Variants in NKAIN3 observed in about 807,000 individuals in gnomAD.
NKAIN3 encodes sodium/potassium transporting ATPase interacting 3, also known as sodium/potassium-transporting ATPase subunit beta-1-interacting protein 3.
NKAIN3 carries 25 observed loss-of-function variants against 30.2 expected under a neutral mutation model. The ratio of observed to expected loss-of-function variants is 0.83; its 90% CI spans 0.60 to 1.16. NKAIN3 has a LOEUF of 1.16. Ranked by LOEUF, NKAIN3 falls within the 50% of genes most tolerant of loss-of-function variation. The probability of loss-of-function intolerance (pLI) is 0.00; values close to 1 mark genes in which losing one functional copy is unlikely to be tolerated. For missense variants in NKAIN3, 225 were observed against 254.1 expected, an observed-to-expected ratio of 0.89 and a Z score of 0.78; for synonymous variants, 91 against 89.6, an observed-to-expected ratio of 1.02 and a Z score of -0.09.
intron 5 of NKAIN3, 85 bp from the exon 6 acceptor site, chr8:62,953,817 T>C (rs779377704): frequency 1.1e-5 from 3 of 267,866 alleles, no homozygotes; most frequent in Non-Finnish European, 1.7e-5. Flanking sequence ...TTTTGTTAAC[T>C]TTGCTCTTAT....
intron 4 of NKAIN3, among the ~76,000 whole-genome samples, chr8:62,883,531 G>C (rs969422941): frequency 7.8e-6 from 1 of 127,498 alleles, no homozygotes; most frequent in Non-Finnish European, 1.6e-5. Flanking sequence ...TCAGTTCTCT[G>C]TTCCTAATAC....
At chr8:62,820,892 C>G (rs751779201) in intron 4 of NKAIN3, among the ~76,000 whole-genome samples, 2 of 152,126 alleles carry the variant, frequency 1.3e-5, no homozygotes, top group Non-Finnish European at 2.9e-5. Flanking sequence ...TCTGAGTCTA[C>G]AAAGCCTTTA....
At chr8:62,499,421 C>T (rs893844322) in intron 1 of NKAIN3, among the ~76,000 whole-genome samples, 1 of 152,032 alleles carries the variant, frequency 6.6e-6, no homozygotes, top group African/African-American at 2.4e-5. Flanking sequence ...TGATGCCTAT[C>T]TAGGAGGGAA....
chr8:62,472,047 C>A (rs1005991407), intron 1 of NKAIN3, among the ~76,000 whole-genome samples: 2 of 144,220 alleles, frequency 1.4e-5, no homozygotes, highest in Admixed American at 1.4e-4. Flanking sequence ...AAAAAAAAGT[C>A]TTCAGCTCAC....
At chr8:62,269,500 C>A (rs1037361428) in intron 1 of NKAIN3, among the ~76,000 whole-genome samples, 1 of 152,080 alleles carries the variant, frequency 6.6e-6, no homozygotes, top group African/African-American at 2.4e-5. Context: ...GTATACAATC[C>A]TGATTATCTT....
rs563670391 is a variant in NKAIN3 at position 62,869,830 on chromosome 8, C to A, written c.472-48623C>A. Among the ~76,000 whole-genome samples the A allele has an allele frequency of 3.3e-5, 5 of 152,132 alleles. No individual in the cohort carries two copies. In the South Asian group the frequency reaches 1.0e-3, roughly 32 times the overall value. ...TTGCCCAGGCTGGAGTGCAGTGGCGCGATCTCGGCTCACTGCAAGCTCCGC... is the reference window on the plus strand; with the variant it reads ...TTGCCCAGGCTGGAGTGCAGTGGCGAGATCTCGGCTCACTGCAAGCTCCGC... On this transcript the variant is annotated intron_variant, in intron 4 of 6. Transcript: ENST00000623646.
chr8:62,419,840 C>T (rs901158514), intron 1 of NKAIN3, among the ~76,000 whole-genome samples: 5 of 152,080 alleles, frequency 3.3e-5, no homozygotes, highest in Admixed American at 3.3e-4. Context: ...GCATCAGTTC[C>T]CATAGGTCCA....
At chr8:62,495,860 A>G (rs1374786021) in intron 1 of NKAIN3, among the ~76,000 whole-genome samples, 1 of 152,102 alleles carries the variant, frequency 6.6e-6, no homozygotes, top group East Asian at 1.9e-4. Context: ...TTAATTCATG[A>G]GTTGACCTCC....
chr8:62,591,433 A>G (rs900516709), intron 3 of NKAIN3, among the ~76,000 whole-genome samples: 1 of 151,982 alleles, frequency 6.6e-6, no homozygotes, highest in African/African-American at 2.4e-5. Context: ...ATATGTGGTA[A>G]CTCAGGTAAG....
intron 1 of NKAIN3, among the ~76,000 whole-genome samples, chr8:62,521,903 G>A (rs906907654): frequency 2.6e-5 from 4 of 152,038 alleles, no homozygotes; most frequent in South Asian, 2.1e-4. Context: ...ATTCTTAAAC[G>A]CTATAATTGC....
At chr8:62,376,294 C>T (rs1489626330) in intron 1 of NKAIN3, among the ~76,000 whole-genome samples, 1 of 152,300 alleles carries the variant, frequency 6.6e-6, no homozygotes, top group Non-Finnish European at 1.5e-5. Flanking sequence ...ATATAATACT[C>T]TCTGCAGAAA....
intron 1 of NKAIN3, among the ~76,000 whole-genome samples, chr8:62,495,549 G>GTA (rs35102614): frequency 0.1 from 14,979 of 146,742 alleles, 1,355 homozygotes; most frequent in African/African-American, 0.24. Context: ...GAGACAGAGA[G>GTA]TATATATATA....
At chr8:62,368,985 C>T (rs549873927) in intron 1 of NKAIN3, among the ~76,000 whole-genome samples, 1 of 152,104 alleles carries the variant, frequency 6.6e-6, no homozygotes, top group East Asian at 1.9e-4. Flanking sequence ...CCAAAGTGAG[C>T]TCACCTAGGT....
At chr8:62,539,636 C>T (rs985432246) in intron 1 of NKAIN3, among the ~76,000 whole-genome samples, 2 of 152,146 alleles carry the variant, frequency 1.3e-5, no homozygotes, top group Non-Finnish European at 2.9e-5. Context: ...GTCATCCAGG[C>T]TGGAGTGCAG....
At chr8:62,415,108 A>C (rs942453414) in intron 1 of NKAIN3, among the ~76,000 whole-genome samples, 1 of 130,694 alleles carries the variant, frequency 7.7e-6, no homozygotes, top group Non-Finnish European at 1.6e-5. Context: ...TATAATATAT[A>C]TTATGTATAA....
At chr8:62,381,350 T>G (rs1292616358) in intron 1 of NKAIN3, among the ~76,000 whole-genome samples, 1 of 152,180 alleles carries the variant, frequency 6.6e-6, no homozygotes, top group Non-Finnish European at 1.5e-5. Flanking sequence ...GCTAAAATTT[T>G]ACTCTTAGCC....
intron 5 of NKAIN3, among the ~76,000 whole-genome samples, chr8:62,989,910 C>T (rs1462842990): frequency 6.6e-6 from 1 of 152,048 alleles, no homozygotes; most frequent in Non-Finnish European, 1.5e-5. Context: ...TTTTGGCAAT[C>T]ACATTACCTT....
intron 1 of NKAIN3, chr8:62,482,642 C>T (rs890068900): frequency 3.3e-5 from 5 of 152,236 alleles, no homozygotes; most frequent in African/African-American, 1.2e-4. Flanking sequence ...AGCCTTTGGC[C>T]TCAGGAGCCT....
chr8:62,392,772 A>G (rs1817616168), intron 1 of NKAIN3, among the ~76,000 whole-genome samples: 1 of 152,096 alleles, frequency 6.6e-6, no homozygotes, highest in African/African-American at 2.4e-5. Flanking sequence ...TTTTATCATC[A>G]TAATTCATAT....
Sources: gnomAD v4.1 joint callset for allele counts (sites outside exome capture counted in the v4.1 genomes callset) on GRCh38, gnomAD v4.1.1 for gene constraint, MANE v1.5 for transcripts, NCBI Gene and HGNC (gene_info 2026-07-23, HGNC 2026-07-21) for gene names.